The following MOB3B variants were observed in gnomAD, a reference collection of about 807,000 sequenced individuals.
MOB3B encodes MOB kinase activator-like 2B.
Under a neutral mutation model 18.7 loss-of-function variants are expected in MOB3B, and 7 were observed. The ratio of observed to expected loss-of-function variants is 0.37; its 90% CI spans 0.21 to 0.70. MOB3B has a LOEUF of 0.70. Among genes scored for constraint, MOB3B ranks in the 30% least tolerant of loss-of-function variants. The pLI, the probability that MOB3B is intolerant of heterozygous loss-of-function variation, is 0.52. For missense variants in MOB3B, 253 were observed against 281.3 expected (o/e 0.90, Z 0.72); for synonymous variants, 111 against 99.9 (o/e 1.11, Z -0.66).
chr9:27,358,791 A>C (rs1587153187), intron 3 of MOB3B: 2 of 710,334 alleles, frequency 2.8e-6, no homozygotes, highest in East Asian at 5.5e-5. Flanking sequence ...CTCTGATCCA[A>C]ACTATTATAT....
chr9:27,389,525 AAT>A (rs1414706268), intron 2 of MOB3B, among the ~76,000 whole-genome samples: 1 of 146,612 alleles, frequency 6.8e-6, no homozygotes, highest in Non-Finnish European at 1.5e-5. Context: ...CACCTTTTCT[AAT>A]GTAGCTTTCT....
intron 2 of MOB3B, among the ~76,000 whole-genome samples, chr9:27,436,586 CAAG>C (rs1170029597): frequency 6.6e-6 from 1 of 152,166 alleles, no homozygotes; most frequent in Non-Finnish European, 1.5e-5. Context: ...TAAGTAAATA[CAAG>C]TTGAATTAGA....
intron 2 of MOB3B, among the ~76,000 whole-genome samples, chr9:27,375,008 G>T (rs1388844007): frequency 6.6e-6 from 1 of 152,200 alleles, no homozygotes; most frequent in Non-Finnish European, 1.5e-5. Context: ...AGGGAGCAGG[G>T]GCTCTGTCCA....
chr9:27,325,369 TA>T lies in MOB3B; in HGVS notation c.*5217del. 6.6e-6 allele frequency: 1 copy of T among 152,342 alleles called. No individual in the cohort carries two copies. The highest frequency in any genetic ancestry group is 1.5e-5 in the Non-Finnish European group (1 of 68,030). 9.4% of individuals were successfully genotyped at this position (152,342 alleles called of 1,614,324 possible). A position where few individuals can be genotyped will look rare whatever the true frequency, so the allele number is the denominator to read the frequency against. On this transcript the variant is annotated 3_prime_UTR_variant, in exon 4 of 4. Transcript: ENST00000262244. ...ATACAATCATAAATGGAACCAAAAA[TA>T]TAGTAAACATTTCTTTTTCTGATGT...
At chr9:27,392,054 T>A (rs1821734962) in intron 2 of MOB3B, among the ~76,000 whole-genome samples, 1 of 152,206 alleles carries the variant, frequency 6.6e-6, no homozygotes, top group Admixed American at 6.5e-5. Flanking sequence ...TTCCTGGAAG[T>A]ACTATCCCCA....
intron 2 of MOB3B, among the ~76,000 whole-genome samples, chr9:27,370,024 C>T (rs1821393337): frequency 6.7e-6 from 1 of 149,240 alleles, no homozygotes; most frequent in Non-Finnish European, 1.5e-5. Context: ...GCCCTGGCAT[C>T]GAATGCATAG....
intron 2 of MOB3B, among the ~76,000 whole-genome samples, chr9:27,418,091 C>CAAAAAAAAAAAAAAAAAAAAAAAA (rs57850999): frequency 4.5e-5 from 2 of 44,080 alleles, no homozygotes; most frequent in African/African-American, 6.9e-5. Context: ...GACTCCACCT[C>CAAAAAAAAAAAAAAAAAAAAAAAA]AAAAAAAAAA....
intron 2 of MOB3B, among the ~76,000 whole-genome samples, chr9:27,440,637 C>T (rs1012543529): frequency 6.6e-6 from 1 of 152,142 alleles, no homozygotes; most frequent in Admixed American, 6.5e-5. Context: ...AAGATATTTT[C>T]TGTGTGTGTA....
intron 1 of MOB3B, among the ~76,000 whole-genome samples, chr9:27,464,208 A>C (rs1178871125): frequency 6.6e-6 from 1 of 152,130 alleles, no homozygotes; most frequent in Non-Finnish European, 1.5e-5. Flanking sequence ...AGAAATAGGC[A>C]GGAGGTGGTA....
Position 27,413,070 on chromosome 9 carries a change from G to C in MOB3B, c.418+42063C>G, listed in dbSNP as rs76430360. Among the ~76,000 whole-genome samples, 27 of 152,312 alleles carry C rather than the reference G, an allele frequency of 1.8e-4. No individual in the cohort carries two copies. The East Asian group carries it at 4.2e-3, about 24-fold the overall frequency. ...AATAACATTAACATTCCTATCTTCT[G>C]TCTCCTGCTCCCACCCTATGCTTTG... On this transcript the variant is annotated intron_variant, in intron 2 of 3. Transcript: ENST00000262244.
At chr9:27,413,504 T>C (rs1053924668) in intron 2 of MOB3B, among the ~76,000 whole-genome samples, 2 of 152,238 alleles carry the variant, frequency 1.3e-5, no homozygotes, top group Non-Finnish European at 2.9e-5. Flanking sequence ...GCACGAGTTA[T>C]GCCCACTGAT....
intron 1 of MOB3B, among the ~76,000 whole-genome samples, chr9:27,509,642 C>T (rs1309912243): frequency 6.6e-6 from 1 of 152,056 alleles, no homozygotes; most frequent in Non-Finnish European, 1.5e-5. Flanking sequence ...GTCTCGAACT[C>T]CTGACCTCAA....
At chr9:27,476,435 T>C (rs1819554099) in intron 1 of MOB3B, among the ~76,000 whole-genome samples, 1 of 152,236 alleles carries the variant, frequency 6.6e-6, no homozygotes, top group Non-Finnish European at 1.5e-5. Flanking sequence ...TCTTCACAAG[T>C]TATCCTTCCT....
At chr9:27,499,352 C>A (rs1587260255) in intron 1 of MOB3B, among the ~76,000 whole-genome samples, 1 of 152,054 alleles carries the variant, frequency 6.6e-6, no homozygotes, top group East Asian at 1.9e-4. Context: ...TAAAAAATGA[C>A]CAAGAAAGCA....
chr9:27,344,056 C>T (rs894199951), intron 3 of MOB3B, among the ~76,000 whole-genome samples: 12 of 151,554 alleles, frequency 7.9e-5, no homozygotes, highest in African/African-American at 2.9e-4. Context: ...ATAGTTAAGA[C>T]ACTAAATTTC....
In MOB3B at chr9:27,398,164, C is replaced by T. The variant is rs982879686; in HGVS notation, c.419-38928G>A. On this transcript the variant is annotated intron_variant, in intron 2 of 3. Transcript: ENST00000262244. ...CGGGGAGGAGCTCATGTGTTGTTATCTTCATTTCATTGTGGAGAAACAGAA... is the reference window on the plus strand; with the variant it reads ...CGGGGAGGAGCTCATGTGTTGTTATTTTCATTTCATTGTGGAGAAACAGAA... 1.8e-4 allele frequency among the ~76,000 whole-genome samples: 28 copies of T among 152,316 alleles called. 1 individual carries two copies. The highest frequency in any genetic ancestry group is 1.5e-3 in the Admixed American group (23 of 15,302).
chr9:27,410,996 A>G (rs903316837), intron 2 of MOB3B, among the ~76,000 whole-genome samples: 4 of 152,234 alleles, frequency 2.6e-5, no homozygotes, highest in Admixed American at 2.0e-4. Context: ...ATGTGATTCA[A>G]TATGATGAAT....
At chr9:27,357,121 A>AATATATATATATATATATATATATGTAT (rs374117162) in intron 3 of MOB3B, among the ~76,000 whole-genome samples, 1 of 62,912 alleles carries the variant, frequency 1.6e-5, no homozygotes, top group East Asian at 7.7e-4. Flanking sequence ...GAGTAATGCA[A>AATATATATATATATATATATATATGTAT]ATATATATAT....
rs573856147 is a variant in MOB3B, at chr9:27,409,638, G to A, written c.418+45495C>T. Among the ~76,000 whole-genome samples the A allele has an allele frequency of 1.8e-4, 28 of 152,158 alleles. 1 individual carries two copies. Among genetic ancestry groups the A allele is most frequent in the African/African-American group, 6.7e-4 (28 of 41,504 alleles). Reference sequence around the variant, plus strand: ...TCAAATAGACACTTGTACCTCAATGGTCATCTAGTAGCATTACTTACAATA... The same window carrying A: ...TCAAATAGACACTTGTACCTCAATGATCATCTAGTAGCATTACTTACAATA... On this transcript the variant is annotated intron_variant, in intron 2 of 3. Transcript: ENST00000262244.
Sources: gnomAD v4.1 joint callset for allele counts (sites outside exome capture counted in the v4.1 genomes callset) on GRCh38, gnomAD v4.1.1 for gene constraint, MANE v1.5 for transcripts, NCBI Gene and HGNC (gene_info 2026-07-23, HGNC 2026-07-21) for gene names.